Variants in ABTB2 observed in about 807,000 individuals in gnomAD.
ABTB2 encodes ankyrin repeat and BTB domain containing 2.
In ABTB2, 56 loss-of-function variants were observed where a neutral mutation model predicts 104.1. The ratio of observed to expected loss-of-function variants is 0.54; its 90% CI spans 0.43 to 0.67. ABTB2 has a LOEUF of 0.67. Ranked by LOEUF, ABTB2 falls within the 30% of genes least tolerant of loss-of-function variation. ABTB2 has a pLI of 0.00. For synonymous variants in ABTB2, 606 were observed against 608.2 expected (o/e 1.00, Z 0.05); for missense variants, 1,279 against 1,407.7 (o/e 0.91, Z 1.46).
chr11:34,275,052 G>C (rs950896942), intron 1 of ABTB2, among the ~76,000 whole-genome samples: 2 of 152,324 alleles, frequency 1.3e-5, no homozygotes, highest in Non-Finnish European at 2.9e-5. Context: ...TGGCAAAGCT[G>C]CCTCGAGAGT....
rs754674716 is a variant in ABTB2 at position 34,170,992 on chromosome 11, G to A, written c.1477C>T (p.Arg493Cys). The A allele has an allele frequency of 1.1e-5, 17 of 1,614,042 alleles. No individual in the cohort carries two copies. Among genetic ancestry groups the A allele is most frequent in the South Asian group, 2.2e-5 (2 of 91,092 alleles). Residue 493 changes from arginine (R) to cysteine (C), a missense_variant, in exon 5 of 17, where the codon CGC becomes TGC. Physicochemically the swap from Arg to Cys is radical, Grantham distance 180 (BLOSUM62 -3). Coordinates refer to ENST00000435224, the MANE Select transcript of ABTB2 (RefSeq NM_145804.3). The stretch of plus-strand genomic sequence containing the variant: ...TCCGTCCTCCCACAGTTGAGCATGC[G>A]GAAACCCAGGTCCTGGTTGAATTTT... ...TEKFNQDLGF[R>C]MLNCGRTDLI...
intron 1 of ABTB2, among the ~76,000 whole-genome samples, chr11:34,301,833 A>G (rs1235698318): frequency 2.0e-5 from 3 of 152,164 alleles, no homozygotes; most frequent in Non-Finnish European, 4.4e-5. Context: ...CAGAAAATAC[A>G]AAAATTAGCT....
rs189943555 is a variant in ABTB2, at chr11:34,192,019, A to G, written c.1244+5306T>C. Among the ~76,000 whole-genome samples the G allele has an allele frequency of 5.3e-5, 8 of 152,336 alleles. No individual in the cohort carries two copies. The East Asian group carries it at 1.5e-3, about 29-fold the overall frequency. ...CTAAAAGTATGTAGTGAGCAGGTGC[A>G]GTGGCTCATGGCTATAATCCCAGCA... is the stretch of plus-strand genomic sequence containing the variant. On this transcript the variant is annotated intron_variant, in intron 3 of 16. Coordinates refer to ENST00000435224, the MANE Select transcript of ABTB2 (RefSeq NM_145804.3).
chr11:34,353,305 C>T (rs902228038), intron 1 of ABTB2, among the ~76,000 whole-genome samples: 5 of 151,866 alleles, frequency 3.3e-5, no homozygotes, highest in Non-Finnish European at 5.9e-5. Flanking sequence ...AGAAGAATGA[C>T]CAAGAAGAAA....
At chr11:34,237,902 A>G (rs950997889) in intron 1 of ABTB2, among the ~76,000 whole-genome samples, 1 of 152,082 alleles carries the variant, frequency 6.6e-6, no homozygotes, top group Non-Finnish European at 1.5e-5. Context: ...CCACTCAAAA[A>G]CAAACAAAAA....
intron 2 of ABTB2, among the ~76,000 whole-genome samples, chr11:34,201,076 CT>C (rs1013069021): frequency 2.0e-5 from 3 of 152,094 alleles, no homozygotes; most frequent in African/African-American, 7.2e-5. Context: ...CTGCAGCAGA[CT>C]GAGGGGAATA....
chr11:34,221,735 CTTAATT>C (rs1371141919), intron 1 of ABTB2, among the ~76,000 whole-genome samples: 1 of 151,674 alleles, frequency 6.6e-6, no homozygotes, highest in Non-Finnish European at 1.5e-5. Flanking sequence ...CACTCACTCA[CTTAATT>C]TTAATTTAAA....
intron 16 of ABTB2, among the ~76,000 whole-genome samples, chr11:34,153,462 G>A (rs1037445169): frequency 4.6e-5 from 7 of 151,986 alleles, no homozygotes; most frequent in Admixed American, 2.0e-4. Flanking sequence ...TCAACCTCCC[G>A]GGCTCAACTG....
chr11:34,317,502 G>A (rs1011229736), intron 1 of ABTB2, among the ~76,000 whole-genome samples: 4 of 152,134 alleles, frequency 2.6e-5, no homozygotes, highest in Non-Finnish European at 5.9e-5. Context: ...GCCAGGCATG[G>A]TGTCTTACAC....
At chr11:34,238,976 A>G (rs980710652) in intron 1 of ABTB2, among the ~76,000 whole-genome samples, 1 of 152,094 alleles carries the variant, frequency 6.6e-6, no homozygotes, top group African/African-American at 2.4e-5. Flanking sequence ...GATGGTCTTG[A>G]TCTCCTAACC....
chr11:34,263,637 G>C (rs1854214714), intron 1 of ABTB2, among the ~76,000 whole-genome samples: 1 of 152,176 alleles, frequency 6.6e-6, no homozygotes, highest in Admixed American at 6.5e-5. Flanking sequence ...AAGCCAGCCA[G>C]GTGCAGCAGT....
At chr11:34,182,394 T>C (rs1853039100) in intron 3 of ABTB2, among the ~76,000 whole-genome samples, 1 of 150,450 alleles carries the variant, frequency 6.6e-6, no homozygotes, top group East Asian at 1.9e-4. Flanking sequence ...CCCAGCCTCA[T>C]CTCCTCCAGC....
intron 1 of ABTB2, among the ~76,000 whole-genome samples, chr11:34,343,714 T>C (rs557696005): frequency 6.6e-6 from 1 of 151,906 alleles, no homozygotes; most frequent in Admixed American, 6.6e-5. Flanking sequence ...CCTCAGGTGA[T>C]CTGCCTGCCT....
intron 3 of ABTB2, among the ~76,000 whole-genome samples, chr11:34,195,667 A>T (rs2982598): frequency 0.74 from 113,165 of 152,150 alleles, 42,552 homozygotes; most frequent in African/African-American, 0.83. Context: ...AGTCTCTCCA[A>T]GCCTCCACTT....
chr11:34,162,950 A>G, intron 9 of ABTB2, 145 bp from the exon 10 acceptor site: 1 of 762,462 alleles, frequency 1.3e-6, no homozygotes. Flanking sequence ...TCCTCCAGGC[A>G]GGCCAGGGGT....
At chr11:34,305,395 GA>G (rs1284501679) in intron 1 of ABTB2, among the ~76,000 whole-genome samples, 1 of 152,220 alleles carries the variant, frequency 6.6e-6, no homozygotes, top group Non-Finnish European at 1.5e-5. Flanking sequence ...CTTGCAGTTT[GA>G]AACATTCACT....
At chr11:34,196,627 G>A (rs1234802967) in intron 3 of ABTB2, among the ~76,000 whole-genome samples, 1 of 152,184 alleles carries the variant, frequency 6.6e-6, no homozygotes, top group East Asian at 1.9e-4. Flanking sequence ...GCCCCTCATT[G>A]GGTTCTGTTG....
chr11:34,308,224 A>G (rs1854802139), intron 1 of ABTB2, among the ~76,000 whole-genome samples: 1 of 152,192 alleles, frequency 6.6e-6, no homozygotes, highest in Admixed American at 6.5e-5. Context: ...GATGTTTGTG[A>G]TTATTAGTCA....
chr11:34,254,772 A>G (rs909975105), intron 1 of ABTB2, among the ~76,000 whole-genome samples: 5 of 150,878 alleles, frequency 3.3e-5, no homozygotes, highest in Admixed American at 2.6e-4. Flanking sequence ...CCCAGGTTCA[A>G]GCGATTCTCC....
Sources: allele counts gnomAD v4.1 joint callset (sites outside exome capture counted in the v4.1 genomes callset), GRCh38; gene constraint gnomAD v4.1.1; transcripts MANE v1.5; gene names NCBI Gene and HGNC (gene_info 2026-07-23, HGNC 2026-07-21).